XPO6: variants seen among roughly 807,000 people sequenced by gnomAD.
XPO6 encodes the protein exportin-6.
XPO6 carries 3 observed loss-of-function variants against 130.0 expected under a neutral mutation model. The observed-to-expected ratio is 0.02, with a 90% confidence interval of 0.01 to 0.06. The LOEUF (loss-of-function observed/expected upper bound fraction) is 0.06, where lower values mean the gene tolerates loss of function less well. XPO6 is among the 10% of genes least tolerant of loss of function. The probability of loss-of-function intolerance (pLI) is 1.00; values close to 1 mark genes in which losing one functional copy is unlikely to be tolerated. For missense variants in XPO6, 970 were observed against 1,393.0 expected, an observed-to-expected ratio of 0.70 and a Z score of 4.83; for synonymous variants, 524 against 548.9, an observed-to-expected ratio of 0.95 and a Z score of 0.63.
In XPO6 at chr16:28,128,106, G is replaced by A. The variant is rs146155632; in HGVS notation, c.1607-2258C>T. On this transcript the variant is annotated intron_variant, in intron 12 of 23. Transcript: ENST00000304658. ...ACTTCATGGGCTACAAAAAGAGACA[G>A]CCCCAATCTCTCAGTTAACTGAAGT... is the stretch of plus-strand genomic sequence containing the variant. 1.7e-3 allele frequency among the ~76,000 whole-genome samples: 258 copies of A among 152,234 alleles called. 2 individuals are homozygous for A. Among genetic ancestry groups the A allele is most frequent in the African/African-American group, 5.5e-3 (227 of 41,532 alleles).
intron 9 of XPO6, among the ~76,000 whole-genome samples, chr16:28,141,232 G>A (rs1056611454): frequency 4.6e-5 from 7 of 152,220 alleles, no homozygotes; most frequent in African/African-American, 1.4e-4. Context: ...TTTGTGGCCA[G>A]CACTTGCCAG....
chr16:28,161,630 T>G (rs1435174650), intron 6 of XPO6, among the ~76,000 whole-genome samples: 1 of 152,098 alleles, frequency 6.6e-6, no homozygotes, highest in Non-Finnish European at 1.5e-5. Flanking sequence ...ACAGCCACCA[T>G]CTGCTGTGTG....
intron 1 of XPO6, among the ~76,000 whole-genome samples, chr16:28,193,466 G>A (rs1157619906): frequency 6.6e-6 from 1 of 152,132 alleles, no homozygotes; most frequent in Non-Finnish European, 1.5e-5. Context: ...ACTTTCATGT[G>A]CCCGGGTTCC....
intron 21 of XPO6, among the ~76,000 whole-genome samples, chr16:28,102,557 G>A (rs2086676099): frequency 6.6e-6 from 1 of 152,132 alleles, no homozygotes; most frequent in Non-Finnish European, 1.5e-5. Context: ...GGCCAACACG[G>A]TAAAACCCCA....
intron 2 of XPO6, among the ~76,000 whole-genome samples, chr16:28,177,895 C>A (rs1436891264): frequency 6.6e-6 from 1 of 151,954 alleles, no homozygotes; most frequent in Non-Finnish European, 1.5e-5. Context: ...ACACTGCCAC[C>A]AAAAAAGTGA....
At chr16:28,208,599 C>T (rs2044072006) in intron 1 of XPO6, among the ~76,000 whole-genome samples, 1 of 152,212 alleles carries the variant, frequency 6.6e-6, no homozygotes, top group Non-Finnish European at 1.5e-5. Context: ...CTTTGACTTG[C>T]AACGTACCTC....
chr16:28,154,338 A>T (rs78742194), intron 7 of XPO6: 2 of 941,048 alleles, frequency 2.1e-6, no homozygotes, highest in Non-Finnish European at 2.5e-6. Context: ...CCAATTTTTT[A>T]AAAATACAAA....
At chr16:28,128,664 C>T (rs565949248) in intron 12 of XPO6, among the ~76,000 whole-genome samples, 14 of 152,300 alleles carry the variant, frequency 9.2e-5, no homozygotes, top group Non-Finnish European at 4.4e-5. Flanking sequence ...CTGACCAAGC[C>T]GTCCCCTCTG....
In XPO6 at chr16:28,132,099, G is replaced by A. The variant is rs1028469136; in HGVS notation, c.1606+235C>T. On this transcript the variant is annotated intron_variant, in intron 12 of 23. Coordinates refer to ENST00000304658, the MANE Select transcript of XPO6 (RefSeq NM_015171.4). The surrounding 1 kb of genome is among the most constrained non-coding windows in gnomAD (Gnocchi z 4.0). ...AGTCCTGTCTCTTTACTCCAAATCA[G>A]TTTCTTTTCCAAACACCTCCTTGGA... is the stretch of plus-strand genomic sequence containing the variant. Among the ~76,000 whole-genome samples the A allele has an allele frequency of 6.6e-6, 1 of 152,160 alleles. No homozygotes were observed. Among genetic ancestry groups the A allele is most frequent in the Non-Finnish European group, 1.5e-5 (1 of 68,028 alleles).
intron 1 of XPO6, among the ~76,000 whole-genome samples, chr16:28,197,197 A>G (rs994581526): frequency 5.9e-5 from 9 of 152,170 alleles, no homozygotes; most frequent in Non-Finnish European, 1.3e-4. Context: ...GGTTGCAGTG[A>G]GCTGAGATCA....
At chr16:28,210,889 G>A (rs1018004070) in intron 1 of XPO6, among the ~76,000 whole-genome samples, 1 of 152,198 alleles carries the variant, frequency 6.6e-6, no homozygotes, top group Non-Finnish European at 1.5e-5. Context: ...GTGTATTAGA[G>A]ATGCCTAGGT....
chr16:28,211,796 C>A lies in XPO6; in HGVS notation c.-428G>T, dbSNP rs1226874685. The A allele has an allele frequency of 7.8e-6, 2 of 257,514 alleles. No individual in the cohort carries two copies. Among genetic ancestry groups the A allele is most frequent in the Non-Finnish European group, 1.5e-5 (2 of 137,130 alleles). 16.0% of individuals were successfully genotyped at this position (257,514 alleles called of 1,614,324 possible). ...GGCTGACAGGCCTCGACCGCGCGGC[C>A]CAGGCGGCCGGCTCAGGGGAGAGGC... On this transcript the variant is annotated 5_prime_UTR_variant, in exon 1 of 24. Coordinates refer to ENST00000304658, the MANE Select transcript of XPO6 (RefSeq NM_015171.4).
intron 14 of XPO6, 33 bp downstream of exon 14, chr16:28,121,637 T>TA (rs1006129186): frequency 2.0e-6 from 3 of 1,520,146 alleles, no homozygotes; most frequent in Admixed American, 1.7e-5. Context: ...AGGTCTTTCC[T>TA]AAAAATGCAC....
intron 15 of XPO6, among the ~76,000 whole-genome samples, chr16:28,115,949 T>G (rs2087043079): frequency 6.6e-6 from 1 of 152,194 alleles, no homozygotes; most frequent in Admixed American, 6.5e-5. Context: ...CTTCCTCACC[T>G]CTCTCAGCCT....
chr16:28,153,839 C>T (rs1235556467), intron 7 of XPO6: 1 of 985,326 alleles, frequency 1.0e-6, no homozygotes. Context: ...ATAATAAAAG[C>T]AGAGAAAACT....
chr16:28,169,079 C>G (rs1465395124), intron 5 of XPO6, among the ~76,000 whole-genome samples: 1 of 152,208 alleles, frequency 6.6e-6, no homozygotes, highest in African/African-American at 2.4e-5. Flanking sequence ...CCTCAAGTAG[C>G]AAGCCCAGGC....
rs367643904 is a variant in XPO6 at position 28,178,227 on chromosome 16, T to G, written c.95-895A>C. 6.6e-5 allele frequency among the ~76,000 whole-genome samples: 10 copies of G among 152,182 alleles called. No individual in the cohort carries two copies. In the East Asian group the frequency reaches 1.9e-3, roughly 29 times the overall value. ...TCTAATCCTCAAGTCATTGCTCTGCTAGTTCCCTACAACTTAAGCTAAATG... is the reference window on the plus strand; with the variant it reads ...TCTAATCCTCAAGTCATTGCTCTGCGAGTTCCCTACAACTTAAGCTAAATG... On this transcript the variant is annotated intron_variant, in intron 2 of 23. Coordinates refer to ENST00000304658, the MANE Select transcript of XPO6 (RefSeq NM_015171.4).
chr16:28,130,470 G>A (rs1199974490), intron 12 of XPO6, among the ~76,000 whole-genome samples: 1 of 152,178 alleles, frequency 6.6e-6, no homozygotes, highest in South Asian at 2.1e-4. Context: ...GGGAACCAGG[G>A]GAAAAAATGT....
intron 13 of XPO6, among the ~76,000 whole-genome samples, chr16:28,123,363 C>T (rs1479761417): frequency 6.6e-6 from 1 of 151,204 alleles, no homozygotes; most frequent in African/African-American, 2.5e-5. Context: ...TCACCTCAGC[C>T]TCCCAAAGTG....
Sources: allele counts gnomAD v4.1 joint callset (sites outside exome capture counted in the v4.1 genomes callset), GRCh38; gene constraint gnomAD v4.1.1; non-coding constraint Gnocchi (gnomAD v3.1); transcripts MANE v1.5; gene names NCBI Gene and HGNC (gene_info 2026-07-23, HGNC 2026-07-21).